The following SLC44A1 variants were observed in gnomAD, a reference collection of about 807,000 sequenced individuals.
SLC44A1 encodes the protein choline transporter-like protein 1.
Under a neutral mutation model 79.3 loss-of-function variants are expected in SLC44A1, and 26 were observed. That is an observed-to-expected ratio of 0.33 (90% CI 0.24 to 0.46). SLC44A1 has a LOEUF of 0.46. Ranked by LOEUF, SLC44A1 falls within the 20% of genes least tolerant of loss-of-function variation. The pLI is 1.00. For missense variants in SLC44A1, 688 were observed against 798.1 expected (o/e 0.86, Z 1.66); for synonymous variants, 263 against 286.2 (o/e 0.92, Z 0.82).
chr9:105,357,577 C>T (rs890277734), intron 6 of SLC44A1, among the ~76,000 whole-genome samples: 5 of 152,080 alleles, frequency 3.3e-5, no homozygotes, highest in African/African-American at 9.7e-5. Flanking sequence ...ATTTCAGAAA[C>T]GTATTTCCCA....
At chr9:105,402,083 C>T (rs112501713), downstream of SLC44A1, among the ~76,000 whole-genome samples, 2,060 of 152,216 alleles carry the variant, frequency 0.014, 58 homozygotes, top group African/African-American at 0.047. Context: ...TTCAGGATGT[C>T]CAGAGCAAAG....
chr9:105,285,622 G>A (rs1223072082), intron 1 of SLC44A1, among the ~76,000 whole-genome samples: 1 of 152,186 alleles, frequency 6.6e-6, no homozygotes, highest in Non-Finnish European at 1.5e-5. Context: ...TTTGGGATAG[G>A]TGGTGGAATT....
At chr9:105,289,460 C>T (rs1830553360) in intron 1 of SLC44A1, among the ~76,000 whole-genome samples, 1 of 152,148 alleles carries the variant, frequency 6.6e-6, no homozygotes, top group Non-Finnish European at 1.5e-5. Flanking sequence ...AGGTCATCTA[C>T]TGGGAAAACA....
chr9:105,290,996 G>A (rs1830590266), intron 1 of SLC44A1, among the ~76,000 whole-genome samples: 1 of 152,192 alleles, frequency 6.6e-6, no homozygotes, highest in Non-Finnish European at 1.5e-5. Flanking sequence ...GTAACCGTAA[G>A]TAGTTATGCA....
rs775490518 is a variant in SLC44A1 at position 105,362,887 on chromosome 9, G to A, written c.967G>A (p.Val323Ile). ...TGCTCTTACCATCGCCTTGTTCCAC[G>A]TAGCTGGCAAGGTCTTCATTCACTT... The part of the protein sequence containing the change: ...RVALTIALFH[V>I]AGKVFIHLPL... The change falls in exon 9 of 16, where the codon GTA (valine) becomes ATA (isoleucine). Residue 323 changes from valine to isoleucine, a missense_variant. Physicochemically the swap from Val to Ile is conservative, Grantham distance 29. Transcript: ENST00000374720. 1.1e-5 allele frequency: 18 copies of A among 1,613,454 alleles called. No homozygotes were observed. Among genetic ancestry groups the A allele is most frequent in the Admixed American group, 1.7e-5 (1 of 59,890 alleles).
intron 3 of SLC44A1, among the ~76,000 whole-genome samples, chr9:105,315,017 T>A (rs1831282340): frequency 6.6e-6 from 1 of 152,210 alleles, no homozygotes. Context: ...CTAAAATAGA[T>A]CTGGTGAGCT....
At chr9:105,307,609 G>A (rs7858967) in intron 2 of SLC44A1, among the ~76,000 whole-genome samples, 32,944 of 150,250 alleles carry the variant, frequency 0.22, 6,458 homozygotes, top group African/African-American at 0.53. Context: ...GTGCCACTGT[G>A]TTCCAGCCTG....
intron 4 of SLC44A1, among the ~76,000 whole-genome samples, chr9:105,339,300 T>A (rs1393342745): frequency 1.3e-5 from 2 of 151,816 alleles, no homozygotes; most frequent in Admixed American, 6.6e-5. Context: ...TTGTGTACCG[T>A]TGATGGGAAT....
chr9:105,389,999 C>T lies in SLC44A1; in HGVS notation c.*943C>T. 1 of 1,431,758 alleles carries T rather than the reference C, an allele frequency of 7.0e-7. No individual in the cohort carries two copies. Among genetic ancestry groups the T allele is most frequent in the Non-Finnish European group, 9.2e-7 (1 of 1,092,622 alleles). 88.7% of individuals were successfully genotyped at this position (1,431,758 alleles called of 1,614,324 possible). A position where few individuals can be genotyped will look rare whatever the true frequency, so the allele number is the denominator to read the frequency against. On this transcript the variant is annotated 3_prime_UTR_variant, in exon 16 of 16. Coordinates refer to ENST00000374720, the MANE Select transcript of SLC44A1 (RefSeq NM_080546.5). ...TTGGGCTTCGGCTTCAGAGTAACGT[C>T]AGTGGCTTAGGGTTAAACGGCCATT...
intron 3 of SLC44A1, among the ~76,000 whole-genome samples, chr9:105,318,899 T>C (rs561840902): frequency 6.6e-6 from 1 of 152,258 alleles, no homozygotes; most frequent in East Asian, 1.9e-4. Context: ...GTTTGCCATG[T>C]CTAAGTTAAA....
intron 1 of SLC44A1, among the ~76,000 whole-genome samples, chr9:105,291,900 G>A (rs577463168): frequency 7.2e-5 from 11 of 152,262 alleles, no homozygotes; most frequent in Non-Finnish European, 1.5e-4. Flanking sequence ...TTGATTGTGC[G>A]TAAATTTCTA....
chr9:105,290,607 T>C (rs1588740474), intron 1 of SLC44A1, among the ~76,000 whole-genome samples: 1 of 152,256 alleles, frequency 6.6e-6, no homozygotes, highest in Non-Finnish European at 1.5e-5. Flanking sequence ...CGTGTTCATA[T>C]GCAAGAAAGA....
intron 14 of SLC44A1, among the ~76,000 whole-genome samples, chr9:105,385,152 TC>T (rs377205684): frequency 6.6e-6 from 1 of 152,232 alleles, no homozygotes; most frequent in African/African-American, 2.4e-5. Flanking sequence ...TATTTTCTCT[TC>T]CAGGTAGAAC....
At chr9:105,357,745 T>C (rs1283835147) in intron 6 of SLC44A1, among the ~76,000 whole-genome samples, 1 of 152,122 alleles carries the variant, frequency 6.6e-6, no homozygotes, top group African/African-American at 2.4e-5. Flanking sequence ...CTGACCTCAG[T>C]TGAGAAATTA....
At chr9:105,283,193 G>T in intron 1 of SLC44A1, among the ~76,000 whole-genome samples, 1 of 152,200 alleles carries the variant, frequency 6.6e-6, no homozygotes, top group East Asian at 1.9e-4. Flanking sequence ...CTGAAGGTTG[G>T]TTGATTGTGG....
chr9:105,249,260 A>G (rs537626427), intron 1 of SLC44A1, among the ~76,000 whole-genome samples: 2 of 152,328 alleles, frequency 1.3e-5, no homozygotes, highest in East Asian at 3.9e-4. Flanking sequence ...TAATACCATC[A>G]TCTGTATCAG....
chr9:105,435,463 G>A (rs1265288610), intron 15 of SLC44A1, among the ~76,000 whole-genome samples: 1 of 152,116 alleles, frequency 6.6e-6, no homozygotes, highest in Non-Finnish European at 1.5e-5. Context: ...TTGGACAGGG[G>A]AAGAATGTCA....
chr9:105,396,099 G>A lies in SLC44A1; in HGVS notation c.*7043G>A. The A allele has an allele frequency of 1.0e-6, 1 of 985,218 alleles. No homozygotes were observed. Among genetic ancestry groups the A allele is most frequent in the South Asian group, 4.7e-5 (1 of 21,270 alleles). The allele number at this position is 985,218 out of a possible 1,614,324, so 61.0% of individuals were successfully genotyped here. A position where few individuals can be genotyped will look rare whatever the true frequency, so the allele number is the denominator to read the frequency against. ...TTTTGATTTTCAGAGATGATCACAT[G>A]GGGACAGTTAACTTTTCTTCTGCTG... On this transcript the variant is annotated 3_prime_UTR_variant, in exon 16 of 16. Coordinates refer to ENST00000374720, the MANE Select transcript of SLC44A1 (RefSeq NM_080546.5).
At chr9:105,357,409 A>G (rs1827653394) in intron 6 of SLC44A1, among the ~76,000 whole-genome samples, 1 of 152,198 alleles carries the variant, frequency 6.6e-6, no homozygotes, top group Non-Finnish European at 1.5e-5. Context: ...TAAAGATCCA[A>G]TTAAAAAATA....
Sources: gnomAD v4.1 joint callset for allele counts (sites outside exome capture counted in the v4.1 genomes callset) on GRCh38, gnomAD v4.1.1 for gene constraint, MANE v1.5 for transcripts, NCBI Gene and HGNC (gene_info 2026-07-23, HGNC 2026-07-21) for gene names.